Variants in SPATA18 observed in about 807,000 individuals in gnomAD.
SPATA18 encodes spermatogenesis associated 18.
A neutral mutation model predicts 68.1 loss-of-function variants in SPATA18; 54 were observed. The ratio of observed to expected loss-of-function variants is 0.79; its 90% CI spans 0.64 to 0.99. The LOEUF (loss-of-function observed/expected upper bound fraction) is 0.99. Among genes scored for constraint, SPATA18 ranks in the 50% least tolerant of loss-of-function variants. The pLI, the probability that SPATA18 is intolerant of heterozygous loss-of-function variation, is 0.00. For synonymous variants in SPATA18, 242 were observed against 244.8 expected (o/e 0.99, Z 0.11); for missense variants, 724 against 681.1 (o/e 1.06, Z -0.70).
chr4:52,078,108 TAA>T (rs11447541), intron 7 of SPATA18, among the ~76,000 whole-genome samples: 226 of 148,544 alleles, frequency 1.5e-3, no homozygotes, highest in East Asian at 2.0e-3. Context: ...TAAAGGGTTG[TAA>T]AAAAAAAAAA....
At chr4:52,074,805 C>T (rs537261950) in intron 6 of SPATA18, among the ~76,000 whole-genome samples, 14 of 152,190 alleles carry the variant, frequency 9.2e-5, no homozygotes, top group South Asian at 4.2e-4. Context: ...TAAGATTACA[C>T]GAAGGTGGAG....
intron 1 of SPATA18, among the ~76,000 whole-genome samples, chr4:52,055,679 G>A (rs1240471610): frequency 6.6e-6 from 1 of 152,058 alleles, no homozygotes; most frequent in Admixed American, 6.5e-5. Context: ...TGTTTCCAAT[G>A]ACCAGGCCCC....
chr4:52,053,857 TGTCAA>T (rs1738110953), intron 1 of SPATA18, among the ~76,000 whole-genome samples: 1 of 152,224 alleles, frequency 6.6e-6, no homozygotes, highest in Non-Finnish European at 1.5e-5. Flanking sequence ...TGCTTCTAAA[TGTCAA>T]GTCAGATCAA....
At position 52,076,855 on chromosome 4, in the gene SPATA18, A is replaced by G; in HGVS notation, c.835A>G (p.Thr279Ala). The G allele has an allele frequency of 6.2e-7, 1 of 1,614,064 alleles. No individual in the cohort carries two copies. The change falls in exon 7 of 13, where the codon ACC (threonine) becomes GCC (alanine). Residue 279 changes from threonine to alanine, a missense_variant. By Grantham distance (58) the Thr-to-Ala change is moderately conservative. Transcript: ENST00000295213. ...CSRSRSASPSTAVKVRRPSPN... is the reference protein window; with the variant it reads ...CSRSRSASPSAAVKVRRPSPN... Reference sequence around the variant, plus strand: ...CCGCAGCAGATCTGCCAGCCCCTCCACCGCTGTCAAGGTCAGGAGACCGTC... The same window carrying G: ...CCGCAGCAGATCTGCCAGCCCCTCCGCCGCTGTCAAGGTCAGGAGACCGTC...
chr4:52,082,596 A>G (rs1166784234), intron 10 of SPATA18, 86 bp downstream of exon 10: 1 of 1,610,958 alleles, frequency 6.2e-7, no homozygotes, highest in Non-Finnish European at 8.5e-7. Flanking sequence ...GATTCTATAA[A>G]AGAAGTTTAT....
chr4:52,075,512 A>T (rs929050134), intron 6 of SPATA18, among the ~76,000 whole-genome samples: 6 of 152,194 alleles, frequency 3.9e-5, no homozygotes, highest in African/African-American at 1.4e-4. Flanking sequence ...AGTCTGACTT[A>T]TAAAATGTAT....
Position 52,096,764 on chromosome 4 carries a change from A to AC in SPATA18, c.*1877_*1878insC, listed in dbSNP as rs1432638919. On this transcript the variant is annotated 3_prime_UTR_variant, in exon 13 of 13. Transcript: ENST00000295213. ...CAATTCTTGTTAATGTTTTAAACAA[A>AC]AAAAAAAAAACCTTACAGTCTTGCC... 1.4e-5 allele frequency: 2 copies of AC among 147,632 alleles called. No individual in the cohort carries two copies. The highest frequency in any genetic ancestry group is 4.9e-5 in the African/African-American group (2 of 40,442). The allele number at this position is 147,632 out of a possible 1,614,324, so 9.1% of individuals were successfully genotyped here. A position where few individuals can be genotyped will look rare whatever the true frequency, so the allele number is the denominator to read the frequency against.
rs1578169850 is a variant in SPATA18, at chr4:52,070,696, A to G, written c.518+780A>G. On this transcript the variant is annotated intron_variant, in intron 5 of 12. Coordinates refer to ENST00000295213, the MANE Select transcript of SPATA18 (RefSeq NM_145263.4). ...ACTTAAAGTATAATAATAATAAAAT[A>G]AAAAAAGAGTGAATTCACATTCTCA... Among the ~76,000 whole-genome samples the G allele has an allele frequency of 2.0e-5, 3 of 150,170 alleles. No individual in the cohort carries two copies. In the South Asian group the frequency reaches 6.4e-4, roughly 32 times the overall value.
chr4:52,097,044 A>G lies in SPATA18; in HGVS notation c.*2157A>G, dbSNP rs1247968160. The G allele has an allele frequency of 2.6e-5, 4 of 152,160 alleles. No individual in the cohort carries two copies. The highest frequency in any genetic ancestry group is 5.9e-5 in the Non-Finnish European group (4 of 68,034). The allele number at this position is 152,160 out of a possible 1,614,324, so 9.4% of individuals were successfully genotyped here. Reference sequence around the variant, plus strand: ...TCTTCAGTTTCTAATTTGAGCTGTAACTACACAAGGAAAGCTAAATAGTCT... The same window carrying G: ...TCTTCAGTTTCTAATTTGAGCTGTAGCTACACAAGGAAAGCTAAATAGTCT... On this transcript the variant is annotated 3_prime_UTR_variant, in exon 13 of 13. Transcript: ENST00000295213.
In SPATA18 at chr4:52,085,006, A is replaced by G. The variant is rs1741295488; in HGVS notation, c.1563+7A>G. The G allele has an allele frequency of 6.2e-7, 1 of 1,601,288 alleles. No individual in the cohort carries two copies. The highest frequency in any genetic ancestry group is 1.1e-5 in the South Asian group (1 of 88,818). ...CCAAATTGGTTTAAACACGGTACAT[A>G]TCTATCTAATCATTTTTACACAAAA... On this transcript the variant is annotated splice_region_variant and intron_variant, in intron 11 of 12. Transcript: ENST00000295213.
At chr4:52,069,705 T>C in intron 4 of SPATA18, 116 bp from the exon 5 acceptor site, 1 of 535,316 alleles carries the variant, frequency 1.9e-6, no homozygotes, top group Non-Finnish European at 3.0e-6. Context: ...TTTAATTTGA[T>C]CTTGTTTATG....
In SPATA18 at chr4:52,090,962, A is replaced by G. The variant is rs1427380691; in HGVS notation, c.1564-3565A>G. ...AGATTTGGTCTTTTAACATAATCCC[A>G]TATTTCTTGGAGGCTTTGTTTGTTC... On this transcript the variant is annotated intron_variant, in intron 11 of 12. Transcript: ENST00000295213. Among the ~76,000 whole-genome samples the G allele has an allele frequency of 3.3e-5, 5 of 151,998 alleles. No individual in the cohort carries two copies. In the East Asian group the frequency reaches 9.7e-4, roughly 29 times the overall value.
At chr4:52,086,133 G>A (rs137871615) in intron 11 of SPATA18, among the ~76,000 whole-genome samples, 1 of 152,012 alleles carries the variant, frequency 6.6e-6, no homozygotes, top group Admixed American at 6.6e-5. Flanking sequence ...AATCACATCC[G>A]GCAACCCTAC....
rs1309165411 is a variant in SPATA18 at position 52,076,901 on chromosome 4, C to A, written c.881C>A (p.Ser294Tyr). Residue 294 changes from serine to tyrosine, a missense_variant, in exon 7 of 13, where the codon TCC becomes TAC. Physicochemically the swap from Ser to Tyr is moderately radical, Grantham distance 144. Transcript: ENST00000295213. Reference sequence around the variant, plus strand: ...CCGTCCCCAAACCGCTCCAAGCTGTCCAATGTGGCGCGCAAGGCTGCCCTC... The same window carrying A: ...CCGTCCCCAAACCGCTCCAAGCTGTACAATGTGGCGCGCAAGGCTGCCCTC... ...RRPSPNRSKLSNVARKAALLS... is the reference protein window; with the variant it reads ...RRPSPNRSKLYNVARKAALLS... The A allele has an allele frequency of 6.2e-7, 1 of 1,614,216 alleles. No homozygotes were observed. Among genetic ancestry groups the A allele is most frequent in the Non-Finnish European group, 8.5e-7 (1 of 1,180,046 alleles).
intron 11 of SPATA18, among the ~76,000 whole-genome samples, chr4:52,091,548 G>A (rs61796828): frequency 0.17 from 26,179 of 152,164 alleles, 2,582 homozygotes; most frequent in East Asian, 0.4. Context: ...CAGCCTGCTG[G>A]AGTTTACTGA....
At chr4:52,077,332 C>G (rs1740473531) in intron 7 of SPATA18, among the ~76,000 whole-genome samples, 1 of 143,476 alleles carries the variant, frequency 7.0e-6, no homozygotes, top group South Asian at 2.5e-4. Context: ...TTCCCTCCCT[C>G]CCTTCCTTTC....
At chr4:52,071,271 T>A (rs1314091190) in intron 5 of SPATA18, among the ~76,000 whole-genome samples, 3 of 152,218 alleles carry the variant, frequency 2.0e-5, no homozygotes, top group African/African-American at 7.2e-5. Context: ...TTCTCCTGGC[T>A]TTTGCTCTTG....
rs144969901 is a variant in SPATA18 at position 52,062,604 on chromosome 4, A to G, written c.422+272A>G. The stretch of plus-strand genomic sequence containing the variant: ...GTTCCTTCTTTGGAGTTCCTTCTTC[A>G]TAGGCACATCATCAGCCTATATTGA... On this transcript the variant is annotated intron_variant, in intron 4 of 12. Transcript: ENST00000295213. 6.6e-5 allele frequency among the ~76,000 whole-genome samples: 10 copies of G among 152,228 alleles called. No individual in the cohort carries two copies. In the East Asian group the frequency reaches 1.7e-3, roughly 27 times the overall value.
intron 4 of SPATA18, among the ~76,000 whole-genome samples, chr4:52,068,870 A>T (rs1191593939): frequency 4.1e-5 from 6 of 147,836 alleles, no homozygotes; most frequent in Non-Finnish European, 7.5e-5. Context: ...TCTCACTTCC[A>T]TTTTTTTTTT....
Sources: allele counts gnomAD v4.1 joint callset (sites outside exome capture counted in the v4.1 genomes callset), GRCh38; gene constraint gnomAD v4.1.1; transcripts MANE v1.5; gene names NCBI Gene and HGNC (gene_info 2026-07-23, HGNC 2026-07-21).